The following AEBP2 variants were observed in gnomAD, a reference collection of about 807,000 sequenced individuals.
The protein encoded by AEBP2 is AE binding protein 2.
In AEBP2, 10 loss-of-function variants were observed where a neutral mutation model predicts 50.8. The ratio of observed to expected loss-of-function variants is 0.20; its 90% CI spans 0.12 to 0.33. The LOEUF (loss-of-function observed/expected upper bound fraction) is 0.33. Ranked by LOEUF, AEBP2 falls within the 10% of genes least tolerant of loss-of-function variation. The pLI is 1.00. For synonymous variants in AEBP2, 296 were observed against 261.3 expected, an observed-to-expected ratio of 1.13 and a Z score of -1.28; for missense variants, 570 against 688.0, an observed-to-expected ratio of 0.83 and a Z score of 1.92.
rs34795094 is a variant in AEBP2, at chr12:19,518,218, C to CTTTT, written c.*118_*121dup. 71 of 1,132,044 alleles carry CTTTT rather than the reference C, an allele frequency of 6.3e-5. No homozygotes were observed. Among genetic ancestry groups the CTTTT allele is most frequent in the South Asian group, 2.1e-4 (8 of 37,840 alleles). The allele number at this position is 1,132,044 out of a possible 1,614,324, so 70.1% of individuals were successfully genotyped here. On this transcript the variant is annotated 3_prime_UTR_variant, in exon 8 of 8. Transcript: ENST00000266508. ...AGTTGCACATTAGAGTCAACCCCTT[C>CTTTT]TTTTTTTTTTTTTTTTTTTTAAATC... is the stretch of plus-strand genomic sequence containing the variant.
chr12:19,455,286 C>G (rs1233592425), intron 1 of AEBP2, among the ~76,000 whole-genome samples: 1 of 152,120 alleles, frequency 6.6e-6, no homozygotes, highest in African/African-American at 2.4e-5. Context: ...AGCCACTGCG[C>G]CTGGCAGAAG....
At chr12:19,510,649 C>T (rs1949219985) in intron 5 of AEBP2, among the ~76,000 whole-genome samples, 1 of 152,030 alleles carries the variant, frequency 6.6e-6, no homozygotes. Context: ...ACTTTGGAGT[C>T]TAGATATGTT....
At position 19,454,454 on chromosome 12, in the gene AEBP2, C is replaced by T. The variant is rs75299882; in HGVS notation, c.672-8056C>T. Among the ~76,000 whole-genome samples, 93 of 152,086 alleles carry T rather than the reference C, an allele frequency of 6.1e-4. 2 individuals are homozygous for T. The East Asian group carries it at 0.017, about 28-fold the overall frequency. On this transcript the variant is annotated intron_variant, in intron 1 of 7. Coordinates refer to ENST00000266508, the MANE Select transcript of AEBP2 (RefSeq NM_153207.5). ...TTAATTGGTTAAGGTATAAGGTATA[C>T]GATTTGCAAGCATGATTTTATGTGA... is the stretch of plus-strand genomic sequence containing the variant.
chr12:19,513,775 T>A (rs1263693320), intron 6 of AEBP2, among the ~76,000 whole-genome samples: 1 of 152,010 alleles, frequency 6.6e-6, no homozygotes, highest in Non-Finnish European at 1.5e-5. Context: ...AAAAGTCAAA[T>A]TCAAATGTGT....
chr12:19,493,269 C>G (rs1054038037), intron 3 of AEBP2, among the ~76,000 whole-genome samples: 2 of 152,052 alleles, frequency 1.3e-5, no homozygotes, highest in Non-Finnish European at 2.9e-5. Flanking sequence ...GGCATGGTAG[C>G]ACACACGTGT....
At chr12:19,513,745 C>CA (rs1326750391) in intron 6 of AEBP2, among the ~76,000 whole-genome samples, 4 of 152,122 alleles carry the variant, frequency 2.6e-5, no homozygotes, top group Non-Finnish European at 5.9e-5. Flanking sequence ...GCTTGGGTGA[C>CA]AGAGTGAGAC....
intron 1 of AEBP2, among the ~76,000 whole-genome samples, chr12:19,422,717 G>A (rs1391405958): frequency 6.6e-6 from 1 of 151,974 alleles, no homozygotes; most frequent in Non-Finnish European, 1.5e-5. Flanking sequence ...CAGATATATG[G>A]GAGGGTAGAA....
chr12:19,478,201 T>C (rs1270135813), intron 3 of AEBP2, among the ~76,000 whole-genome samples: 2 of 152,244 alleles, frequency 1.3e-5, no homozygotes, highest in Non-Finnish European at 2.9e-5. Context: ...GTCTTTGTTA[T>C]TTCTTTTCTT....
chr12:19,458,615 G>T (rs1378474718), intron 1 of AEBP2, among the ~76,000 whole-genome samples: 1 of 152,026 alleles, frequency 6.6e-6, no homozygotes, highest in Non-Finnish European at 1.5e-5. Context: ...TTTTTATATG[G>T]TTCCTTTTCT....
chr12:19,436,570 GTTTTC>G (rs778029811), upstream of AEBP2, among the ~76,000 whole-genome samples: 18 of 139,980 alleles, frequency 1.3e-4, no homozygotes, highest in Admixed American at 3.8e-4. Flanking sequence ...GTTTTCTTTT[GTTTTC>G]TTTTCTTTTT....
At chr12:19,510,564 G>A (rs117630639) in intron 5 of AEBP2, among the ~76,000 whole-genome samples, 3,277 of 152,180 alleles carry the variant, frequency 0.022, 41 homozygotes, top group East Asian at 0.043. Context: ...AAAATGAAGC[G>A]TACGTAACTT....
intron 1 of AEBP2, among the ~76,000 whole-genome samples, chr12:19,426,546 G>A (rs2095748646): frequency 6.6e-6 from 1 of 152,192 alleles, no homozygotes; most frequent in Admixed American, 6.5e-5. Flanking sequence ...GAAGAAGAGA[G>A]GTGTGATGGT....
chr12:19,421,344 C>CAAAAAAA (rs375160231), intron 1 of AEBP2, among the ~76,000 whole-genome samples: 4 of 82,448 alleles, frequency 4.9e-5, no homozygotes, highest in African/African-American at 9.5e-5. Flanking sequence ...GACTCTGTCT[C>CAAAAAAA]AAAAAAAAAA....
chr12:19,463,946 G>A (rs1024430755), intron 2 of AEBP2, among the ~76,000 whole-genome samples: 3 of 152,112 alleles, frequency 2.0e-5, no homozygotes, highest in South Asian at 2.1e-4. Flanking sequence ...GATTACAGGC[G>A]TGAGTCACCG....
In AEBP2 at chr12:19,512,394, T is replaced by C. The variant is rs1431600906; in HGVS notation, c.1300-4T>C. The stretch of plus-strand genomic sequence containing the variant: ...TTTATGATTTCTTTTCATGTCATTA[T>C]CAGGTAATAGCTAAGAGAAAAGAAG... On this transcript the variant is annotated splice_polypyrimidine_tract_variant and splice_region_variant and intron_variant, in intron 5 of 7. Coordinates refer to ENST00000266508, the MANE Select transcript of AEBP2 (RefSeq NM_153207.5). The C allele has an allele frequency of 6.5e-7, 1 of 1,535,884 alleles. No homozygotes were observed. The highest frequency in any genetic ancestry group is 1.2e-5 in the South Asian group (1 of 81,068).
Position 19,457,379 on chromosome 12 carries a change from A to G in AEBP2, c.672-5131A>G. 4.9e-6 allele frequency: 7 copies of G among 1,437,562 alleles called. No individual in the cohort carries two copies. The South Asian group carries it at 7.2e-5, about 15-fold the overall frequency. 89.1% of individuals were successfully genotyped at this position (1,437,562 alleles called of 1,614,324 possible). A position where few individuals can be genotyped will look rare whatever the true frequency, so the allele number is the denominator to read the frequency against. On this transcript the variant is annotated intron_variant, in intron 1 of 7. Transcript: ENST00000266508. Reference sequence around the variant, plus strand: ...TTAAGTCTCTGTGTCCTAGGGCATCAATGATAGTCACGTAGCACTTGCTGT... The same window carrying G: ...TTAAGTCTCTGTGTCCTAGGGCATCGATGATAGTCACGTAGCACTTGCTGT...
At position 19,520,684 on chromosome 12, in the gene AEBP2, A is replaced by G. The variant is rs988710312; in HGVS notation, c.*2567A>G. 1 of 152,214 alleles carries G rather than the reference A, an allele frequency of 6.6e-6. No individual in the cohort carries two copies. The highest frequency in any genetic ancestry group is 2.4e-5 in the African/African-American group (1 of 41,460). 9.4% of individuals were successfully genotyped at this position (152,214 alleles called of 1,614,324 possible). On this transcript the variant is annotated 3_prime_UTR_variant, in exon 8 of 8. Coordinates refer to ENST00000266508, the MANE Select transcript of AEBP2 (RefSeq NM_153207.5). The stretch of plus-strand genomic sequence containing the variant: ...ATCAAGCAAACTACAGCTCACAAGC[A>G]TACCCATTTATATGTTGTCTATGCC...
rs12812524 is a variant in AEBP2, at chr12:19,521,873, T to G, written c.*3756T>G. 1 of 152,046 alleles carries G rather than the reference T, an allele frequency of 6.6e-6. No individual in the cohort carries two copies. The highest frequency in any genetic ancestry group is 2.4e-5 in the African/African-American group (1 of 41,418). 9.4% of individuals were successfully genotyped at this position (152,046 alleles called of 1,614,324 possible). On this transcript the variant is annotated 3_prime_UTR_variant, in exon 8 of 8. Transcript: ENST00000266508. The stretch of plus-strand genomic sequence containing the variant: ...TGAGAAAATATGTATTAAAAATACT[T>G]GATAGAGGGTTTTCTCTTTAATCAC...
chr12:19,443,049 A>G (rs1020698896), intron 1 of AEBP2, among the ~76,000 whole-genome samples: 9 of 151,948 alleles, frequency 5.9e-5, no homozygotes. Context: ...TGTGCTTTTT[A>G]GTTTATCTGA....
Sources: gnomAD v4.1 joint callset for allele counts (sites outside exome capture counted in the v4.1 genomes callset) on GRCh38, gnomAD v4.1.1 for gene constraint, MANE v1.5 for transcripts, NCBI Gene and HGNC (gene_info 2026-07-23, HGNC 2026-07-21) for gene names.